POLR3B: variants seen among roughly 807,000 people sequenced by gnomAD.
POLR3B encodes the protein DNA-directed RNA polymerase III subunit RPC2.
POLR3B carries 96 observed loss-of-function variants against 147.4 expected under a neutral mutation model. The observed-to-expected ratio is 0.65, with a 90% CI of 0.55 to 0.77. The LOEUF (loss-of-function observed/expected upper bound fraction) is 0.77. POLR3B is among the 30% of genes least tolerant of loss of function. The pLI, the probability that POLR3B is intolerant of heterozygous loss-of-function variation, is 0.00. For missense variants in POLR3B, 1,036 were observed against 1,413.5 expected, an observed-to-expected ratio of 0.73 and a Z score of 4.28; for synonymous variants, 461 against 485.9, an observed-to-expected ratio of 0.95 and a Z score of 0.67.
intron 23 of POLR3B, among the ~76,000 whole-genome samples, chr12:106,468,933 G>A (rs2038047711): frequency 1.3e-5 from 2 of 152,182 alleles, no homozygotes; most frequent in Non-Finnish European, 2.9e-5. Flanking sequence ...TTGGGGTGGA[G>A]AGTTCTGTAG....
chr12:106,378,079 T>C (rs944006048), intron 7 of POLR3B, among the ~76,000 whole-genome samples, 188 bp from the exon 8 acceptor site: 1 of 152,022 alleles, frequency 6.6e-6, no homozygotes. Context: ...CAAAGGGAGA[T>C]CCTTTCTCAA....
At chr12:106,493,741 G>A (rs183228527) in intron 23 of POLR3B, among the ~76,000 whole-genome samples, 2 of 152,330 alleles carry the variant, frequency 1.3e-5, no homozygotes, top group East Asian at 1.9e-4. Context: ...AGTCAGCAGA[G>A]GGTAGAAGCC....
intron 12 of POLR3B, among the ~76,000 whole-genome samples, chr12:106,416,052 T>TGG (rs965055559): frequency 3.3e-5 from 5 of 152,188 alleles, no homozygotes; most frequent in African/African-American, 1.2e-4. Flanking sequence ...GGGGCTTCCT[T>TGG]GGGGATCATT....
intron 12 of POLR3B, among the ~76,000 whole-genome samples, chr12:106,412,499 G>T (rs1401454801): frequency 2.5e-4 from 38 of 152,070 alleles, no homozygotes; most frequent in Non-Finnish European, 8.8e-5. Context: ...CTGCCCTTAG[G>T]TGAAAAGCCA....
rs1276681255 is a variant in POLR3B at position 106,410,858 on chromosome 12, C to T, written c.999C>T (p.Ile333=). Residue 333 remains isoleucine (I), a synonymous_variant, in exon 12 of 28, where the codon ATC becomes ATT. Coordinates refer to ENST00000228347, the MANE Select transcript of POLR3B (RefSeq NM_018082.6). ...VKEFNFRAKC[I]YTAVMVRRVI... ...AATTCAATTTCCGAGCCAAATGTAT[C>T]TATACTGCAGTGATGGTGCGAAGAG... 1.2e-6 allele frequency: 2 copies of T among 1,613,734 alleles called. No homozygotes were observed. Among genetic ancestry groups the T allele is most frequent in the Non-Finnish European group, 1.7e-6 (2 of 1,179,814 alleles).
At chr12:106,439,982 A>G (rs1042559370) in intron 18 of POLR3B, among the ~76,000 whole-genome samples, 1 of 152,150 alleles carries the variant, frequency 6.6e-6, no homozygotes, top group African/African-American at 2.4e-5. Context: ...TCACTTGAGC[A>G]CAGTTTGAGG....
At chr12:106,498,814 G>A (rs796071355) in intron 25 of POLR3B, among the ~76,000 whole-genome samples, 16 of 152,312 alleles carry the variant, frequency 1.1e-4, no homozygotes, top group African/African-American at 3.8e-4. Context: ...TCGAACTCCT[G>A]ACCTCAAATG....
At chr12:106,406,558 A>T (rs1223222559) in intron 11 of POLR3B, among the ~76,000 whole-genome samples, 1 of 152,194 alleles carries the variant, frequency 6.6e-6, no homozygotes, top group East Asian at 1.9e-4. Context: ...CTAGACCTTG[A>T]ATTTAAAGTT....
At chr12:106,470,883 G>A (rs2038081884) in intron 23 of POLR3B, among the ~76,000 whole-genome samples, 1 of 152,094 alleles carries the variant, frequency 6.6e-6, no homozygotes, top group Admixed American at 6.5e-5. Flanking sequence ...GCCACTACTG[G>A]GAGGTGTCTC....
At chr12:106,376,956 A>G (rs919193146) in intron 7 of POLR3B, among the ~76,000 whole-genome samples, 69 of 152,192 alleles carry the variant, frequency 4.5e-4, no homozygotes, top group African/African-American at 1.6e-3. Context: ...TTTCAGGCTT[A>G]AGACTTTAAT....
At chr12:106,369,251 A>C in intron 4 of POLR3B, 24 bp from the exon 5 acceptor site, 1 of 1,277,480 alleles carries the variant, frequency 7.8e-7, no homozygotes, top group Non-Finnish European at 1.1e-6. Flanking sequence ...AGTATAATTC[A>C]TACCGCACTA....
At chr12:106,388,104 G>C (rs1270142995) in intron 9 of POLR3B, among the ~76,000 whole-genome samples, 1 of 152,140 alleles carries the variant, frequency 6.6e-6, no homozygotes, top group African/African-American at 2.4e-5. Context: ...GAATATGATG[G>C]AGAAAGCTTT....
chr12:106,426,222 T>TTG (rs35090518), intron 12 of POLR3B, among the ~76,000 whole-genome samples: 36,684 of 130,748 alleles, frequency 0.28, 5,114 homozygotes, highest in East Asian at 0.47. Flanking sequence ...GGCCTGCAAT[T>TTG]TGTGTGTGTG....
intron 22 of POLR3B, 97 bp from the exon 23 acceptor site, chr12:106,463,378 GAAT>G: frequency 1.9e-6 from 2 of 1,034,110 alleles, no homozygotes; most frequent in East Asian, 2.4e-5. Context: ...GAAAATGTCA[GAAT>G]ACTCTATGGT....
chr12:106,369,537 G>C (rs902800198), intron 5 of POLR3B, 46 bp from the exon 6 acceptor site: 2 of 1,294,124 alleles, frequency 1.5e-6, no homozygotes, highest in Non-Finnish European at 2.3e-6. Flanking sequence ...TCAGGACCCT[G>C]TTGCAGAGAG....
intron 22 of POLR3B, among the ~76,000 whole-genome samples, chr12:106,460,874 T>C (rs1316589216): frequency 5.3e-5 from 8 of 152,094 alleles, no homozygotes; most frequent in Non-Finnish European, 5.9e-5. Flanking sequence ...AAATGAAAGT[T>C]TTTCCTGGTC....
intron 10 of POLR3B, among the ~76,000 whole-genome samples, chr12:106,404,761 G>C (rs966397903): frequency 6.6e-6 from 1 of 151,774 alleles, no homozygotes; most frequent in Non-Finnish European, 1.5e-5. Flanking sequence ...TTTTTTATTT[G>C]TTTAGCTTTT....
At chr12:106,448,958 C>G (rs1337360031) in intron 19 of POLR3B, among the ~76,000 whole-genome samples, 1 of 152,036 alleles carries the variant, frequency 6.6e-6, no homozygotes, top group Non-Finnish European at 1.5e-5. Flanking sequence ...GATCAGGCTG[C>G]CTTTTCTGGT....
rs141008521 is a variant in POLR3B at position 106,370,106 on chromosome 12, C to G, written c.404+423C>G. Among the ~76,000 whole-genome samples the G allele has an allele frequency of 4.8e-3, 729 of 152,202 alleles. 1 individual carries two copies. Among genetic ancestry groups the G allele is most frequent in the Non-Finnish European group, 6.4e-3 (436 of 68,008 alleles). On this transcript the variant is annotated intron_variant, in intron 6 of 27. Coordinates refer to ENST00000228347, the MANE Select transcript of POLR3B (RefSeq NM_018082.6). ...GTTTGGAAATGATAGCATCCACTTG[C>G]GTTTTTGCAATCTGCCCTTCCTGAT... is the stretch of plus-strand genomic sequence containing the variant.
Sources: allele counts gnomAD v4.1 joint callset (sites outside exome capture counted in the v4.1 genomes callset), GRCh38; gene constraint gnomAD v4.1.1; transcripts MANE v1.5; gene names NCBI Gene and HGNC (gene_info 2026-07-23, HGNC 2026-07-21).